The following GRIK2 variants were observed in gnomAD, a reference collection of about 807,000 sequenced individuals.
GRIK2 encodes glutamate receptor ionotropic, kainate 2.
A neutral mutation model predicts 100.3 loss-of-function variants in GRIK2; 32 were observed. The ratio of observed to expected loss-of-function variants is 0.32; its 90% CI spans 0.24 to 0.43. The LOEUF is 0.43. GRIK2 is among the 20% of genes least tolerant of loss of function. GRIK2 has a pLI of 1.00. For synonymous variants in GRIK2, 417 were observed against 389.4 expected (o/e 1.07, Z -0.83); for missense variants, 843 against 1,114.9 (o/e 0.76, Z 3.47).
intron 2 of GRIK2, among the ~76,000 whole-genome samples, chr6:101,572,659 T>C (rs772370655): frequency 2.5e-4 from 38 of 151,634 alleles, no homozygotes; most frequent in Non-Finnish European, 2.2e-4. Flanking sequence ...TTCTATGCTG[T>C]AGTTCAAAAC....
At chr6:101,740,257 C>T (rs1156290804) in intron 7 of GRIK2, among the ~76,000 whole-genome samples, 2 of 152,132 alleles carry the variant, frequency 1.3e-5, no homozygotes, top group Non-Finnish European at 1.5e-5. Flanking sequence ...CCCAAATACT[C>T]CATGTTTCTG....
chr6:101,451,769 G>A (rs973723033), intron 2 of GRIK2, among the ~76,000 whole-genome samples: 1 of 151,158 alleles, frequency 6.6e-6, no homozygotes, highest in Non-Finnish European at 1.5e-5. Context: ...AATGTGACTG[G>A]CCAGAAGATG....
intron 14 of GRIK2, among the ~76,000 whole-genome samples, chr6:101,931,569 A>G (rs1203913815): frequency 6.6e-6 from 1 of 152,286 alleles, no homozygotes; most frequent in Non-Finnish European, 1.5e-5. Context: ...CTGTTCTTCA[A>G]CATCGAATAA....
Position 101,406,840 on chromosome 6 carries a change from A to T in GRIK2, c.115+7448A>T, listed in dbSNP as rs1775622533. Among the ~76,000 whole-genome samples the T allele has an allele frequency of 3.3e-5, 5 of 152,310 alleles. No individual in the cohort carries two copies. The South Asian group carries it at 1.0e-3, about 32-fold the overall frequency. Reference sequence around the variant, plus strand: ...AGCATAAGTGATTATTTTAAATAAGATGTAAATTATATTCTTACATTGACA... The same window carrying T: ...AGCATAAGTGATTATTTTAAATAAGTTGTAAATTATATTCTTACATTGACA... On this transcript the variant is annotated intron_variant, in intron 2 of 16. Coordinates refer to ENST00000369134, the MANE Select transcript of GRIK2 (RefSeq NM_021956.5).
At chr6:101,726,664 G>A (rs1774892866) in intron 7 of GRIK2, among the ~76,000 whole-genome samples, 2 of 151,906 alleles carry the variant, frequency 1.3e-5, no homozygotes, top group Non-Finnish European at 2.9e-5. Context: ...TTTGAACAAT[G>A]TATATTAAAA....
intron 15 of GRIK2, among the ~76,000 whole-genome samples, chr6:102,040,516 A>C (rs1054836388): frequency 1.3e-5 from 2 of 151,590 alleles, no homozygotes; most frequent in Non-Finnish European, 3.0e-5. Context: ...ACAAAATGAA[A>C]TTTCCTTTTT....
chr6:101,507,999 T>G (rs1397342207), intron 2 of GRIK2, among the ~76,000 whole-genome samples: 5 of 152,136 alleles, frequency 3.3e-5, no homozygotes, highest in Admixed American at 3.3e-4. Flanking sequence ...TCATTGTATA[T>G]GCTTTAAAAG....
At chr6:101,720,006 G>A (rs571955490) in intron 7 of GRIK2, among the ~76,000 whole-genome samples, 1 of 151,946 alleles carries the variant, frequency 6.6e-6, no homozygotes, top group South Asian at 2.1e-4. Flanking sequence ...AAAGAAAAAT[G>A]CAATTGATTC....
chr6:101,755,275 TC>T (rs1159450544), intron 7 of GRIK2, among the ~76,000 whole-genome samples: 1 of 147,092 alleles, frequency 6.8e-6, no homozygotes, highest in Non-Finnish European at 1.5e-5. Context: ...CACGCCATTC[TC>T]CTGCATCAGC....
chr6:101,653,380 C>T (rs1329479730), intron 4 of GRIK2, among the ~76,000 whole-genome samples: 1 of 151,920 alleles, frequency 6.6e-6, no homozygotes, highest in Non-Finnish European at 1.5e-5. Context: ...CCTCTGCTTA[C>T]TCCTCACCCC....
chr6:101,967,791 T>C (rs1351084896), intron 14 of GRIK2, among the ~76,000 whole-genome samples: 2 of 152,096 alleles, frequency 1.3e-5, no homozygotes, highest in African/African-American at 4.8e-5. Flanking sequence ...AGTTTCATTA[T>C]TCATCTCATA....
intron 10 of GRIK2, among the ~76,000 whole-genome samples, chr6:101,836,975 A>G (rs1351088760): frequency 6.6e-6 from 1 of 151,880 alleles, no homozygotes; most frequent in Non-Finnish European, 1.5e-5. Context: ...GTTGCATTAT[A>G]TTTCTATTCA....
chr6:101,975,711 T>C (rs1582650867), intron 14 of GRIK2, among the ~76,000 whole-genome samples: 2 of 151,894 alleles, frequency 1.3e-5, no homozygotes, highest in African/African-American at 4.8e-5. Context: ...AAGGTCAAGG[T>C]GGGCAGGTGG....
At chr6:101,537,095 A>G (rs962395261) in intron 2 of GRIK2, among the ~76,000 whole-genome samples, 1 of 151,766 alleles carries the variant, frequency 6.6e-6, no homozygotes, top group Non-Finnish European at 1.5e-5. Flanking sequence ...AGCAATATCC[A>G]AACAGGCCGG....
intron 14 of GRIK2, among the ~76,000 whole-genome samples, chr6:101,975,546 T>C (rs914933395): frequency 6.6e-6 from 1 of 151,894 alleles, no homozygotes; most frequent in East Asian, 1.9e-4. Flanking sequence ...GAGGAATCCA[T>C]TGGACTTTCT....
At chr6:102,012,692 T>A (rs563709191) in intron 14 of GRIK2, among the ~76,000 whole-genome samples, 1 of 152,306 alleles carries the variant, frequency 6.6e-6, no homozygotes, top group African/African-American at 2.4e-5. Context: ...GTATATTAAC[T>A]TTGAATCCTA....
At chr6:102,065,896 T>C (rs1218655972) in intron 16 of GRIK2, 67 of 1,445,102 alleles carry the variant, frequency 4.6e-5, no homozygotes, top group Non-Finnish European at 5.0e-5. Context: ...TTCATCATCA[T>C]TATCATCATG....
chr6:101,881,618 A>C (rs1786249697), intron 11 of GRIK2, among the ~76,000 whole-genome samples: 1 of 151,898 alleles, frequency 6.6e-6, no homozygotes, highest in Non-Finnish European at 1.5e-5. Context: ...AACAAAAGTA[A>C]CTTGTCTAGT....
At chr6:101,800,544 T>C (rs1409758859) in intron 8 of GRIK2, among the ~76,000 whole-genome samples, 1 of 152,092 alleles carries the variant, frequency 6.6e-6, no homozygotes, top group African/African-American at 2.4e-5. Flanking sequence ...TGAAATTTTT[T>C]ATTAATGGCT....
Sources: allele counts gnomAD v4.1 joint callset (sites outside exome capture counted in the v4.1 genomes callset), GRCh38; gene constraint gnomAD v4.1.1; transcripts MANE v1.5; gene names NCBI Gene and HGNC (gene_info 2026-07-23, HGNC 2026-07-21).